TMEM131: variants seen among roughly 807,000 people sequenced by gnomAD.
TMEM131 encodes the protein transmembrane protein 131.
In TMEM131, 66 loss-of-function variants were observed where a neutral mutation model predicts 211.6. That is an observed-to-expected ratio of 0.31 (90% confidence interval 0.26 to 0.38). The LOEUF (loss-of-function observed/expected upper bound fraction) is 0.38, where lower values mean the gene tolerates loss of function less well. TMEM131 is among the 10% of genes least tolerant of loss of function. The pLI, the probability that TMEM131 is intolerant of heterozygous loss-of-function variation, is 1.00. For synonymous variants in TMEM131, 844 were observed against 841.3 expected (o/e 1.00, Z -0.06); for missense variants, 2,036 against 2,299.3 (o/e 0.89, Z 2.34).
chr2:97,791,720 C>T (rs1263875781), intron 31 of TMEM131, among the ~76,000 whole-genome samples: 6 of 152,160 alleles, frequency 3.9e-5, no homozygotes, highest in African/African-American at 7.2e-5. Flanking sequence ...TAAGAGTATA[C>T]GTTCTTTTAA....
chr2:97,854,971 G>A (rs1374228283), intron 5 of TMEM131, among the ~76,000 whole-genome samples: 15 of 152,092 alleles, frequency 9.9e-5, no homozygotes, highest in Admixed American at 9.8e-4. Context: ...TTCTGACCTT[G>A]TAACATCTTC....
chr2:97,988,267 T>C (rs1430715606), intron 1 of TMEM131, among the ~76,000 whole-genome samples: 3 of 152,164 alleles, frequency 2.0e-5, no homozygotes, highest in Non-Finnish European at 4.4e-5. Context: ...TGCAAAAGAA[T>C]AGAGTTATAC....
Position 97,766,194 on chromosome 2 carries a change from C to A in TMEM131, c.4643G>T (p.Gly1548Val), listed in dbSNP as rs1417603569. ...TTCACCCTCTGAGCTACTGGTGTTG[C>A]CTAATTCTTGACTATTCGGGAGGAA... The part of the protein sequence containing the change: ...AKFLPNSQEL[G>V]NTSSSEGEKD... The change falls in exon 35 of 41, where the codon GGC (glycine) becomes GTC (valine). Residue 1548 changes from glycine to valine, a missense_variant. This residue lies in a region of TMEM131 where 1,623 missense variants were observed against 1,805.9 expected (regional missense o/e 0.90). Coordinates refer to ENST00000186436, the MANE Select transcript of TMEM131 (RefSeq NM_015348.2). 1.2e-6 allele frequency: 2 copies of A among 1,613,910 alleles called. No individual in the cohort carries two copies. Among genetic ancestry groups the A allele is most frequent in the African/African-American group, 1.3e-5 (1 of 74,920 alleles).
At chr2:97,972,948 T>C (rs1009307674) in intron 1 of TMEM131, among the ~76,000 whole-genome samples, 3 of 152,114 alleles carry the variant, frequency 2.0e-5, no homozygotes, top group Non-Finnish European at 4.4e-5. Context: ...CAAACACATA[T>C]TAAAAAAAAT....
intron 1 of TMEM131, among the ~76,000 whole-genome samples, chr2:97,938,104 G>A (rs546853513): frequency 6.6e-6 from 1 of 152,300 alleles, no homozygotes; most frequent in African/African-American, 2.4e-5. Context: ...TCAAGGCTAG[G>A]AAGAAACTGT....
chr2:97,834,103 T>C (rs542262654), intron 10 of TMEM131, among the ~76,000 whole-genome samples: 2 of 152,366 alleles, frequency 1.3e-5, no homozygotes, highest in Non-Finnish European at 2.9e-5. Flanking sequence ...GTCTTCAATC[T>C]TAACTACATA....
In TMEM131 at chr2:97,926,291, A is replaced by G. The variant is rs1465949682; in HGVS notation, c.249+1135T>C. Among the ~76,000 whole-genome samples, 4 of 152,210 alleles carry G rather than the reference A, an allele frequency of 2.6e-5. No homozygotes were observed. In the East Asian group the frequency reaches 5.8e-4, roughly 22 times the overall value. ...TTAGAGAAAGGATATATATTCTGCC[A>G]TAGAAATGCTACATGTACATTTTTC... On this transcript the variant is annotated intron_variant, in intron 2 of 40. Transcript: ENST00000186436.
chr2:97,809,745 A>C lies in TMEM131; in HGVS notation c.1998T>G (p.Ile666Met). The C allele has an allele frequency of 6.2e-7, 1 of 1,608,702 alleles. No individual in the cohort carries two copies. The highest frequency in any genetic ancestry group is 1.1e-5 in the South Asian group (1 of 89,456). ...EILTIPVKAVIAVGSLTCFPK... is the reference protein window; with the variant it reads ...EILTIPVKAVMAVGSLTCFPK... ...GGAAGCAGGTCAGTGAGCCTACTGCAATCACAGCCTTCACAGGGATTGTCA... is the reference window on the plus strand; with the variant it reads ...GGAAGCAGGTCAGTGAGCCTACTGCCATCACAGCCTTCACAGGGATTGTCA... Residue 666 changes from isoleucine to methionine, a missense_variant, in exon 19 of 41, where the codon ATT (isoleucine) becomes ATG (methionine). This residue lies in a region of TMEM131 where 1,623 missense variants were observed against 1,805.9 expected (regional missense o/e 0.90). Coordinates refer to ENST00000186436, the MANE Select transcript of TMEM131 (RefSeq NM_015348.2).
At chr2:97,931,105 C>A (rs1034805645) in intron 1 of TMEM131, among the ~76,000 whole-genome samples, 1 of 151,764 alleles carries the variant, frequency 6.6e-6, no homozygotes, top group African/African-American at 2.4e-5. Context: ...ACTAACAGCA[C>A]CTTTTAGCAA....
chr2:97,988,514 A>G (rs1680126266), intron 1 of TMEM131, among the ~76,000 whole-genome samples: 1 of 152,214 alleles, frequency 6.6e-6, no homozygotes, highest in South Asian at 2.1e-4. Context: ...GGGAGAACAT[A>G]GTTGCAAATC....
At chr2:97,787,653 A>G (rs377212299) in intron 31 of TMEM131, among the ~76,000 whole-genome samples, 114 of 152,290 alleles carry the variant, frequency 7.5e-4, no homozygotes, top group African/African-American at 2.5e-3. Flanking sequence ...ACAAAACTTA[A>G]TATGACTATA....
chr2:97,943,089 GAAAGAAAGAA>G (rs1677870878), intron 1 of TMEM131, among the ~76,000 whole-genome samples: 2 of 147,170 alleles, frequency 1.4e-5, no homozygotes, highest in South Asian at 2.1e-4. Context: ...AAGAAAGAAA[GAAAGAAAGAA>G]AGAGCTGGGT....
intron 2 of TMEM131, among the ~76,000 whole-genome samples, chr2:97,924,147 G>A (rs577538034): frequency 6.6e-6 from 1 of 152,188 alleles, no homozygotes; most frequent in South Asian, 2.1e-4. Context: ...CACTTTGGGA[G>A]ACCAAGGCGA....
At chr2:97,865,060 G>A (rs190999005) in intron 4 of TMEM131, among the ~76,000 whole-genome samples, 25 of 152,328 alleles carry the variant, frequency 1.6e-4, no homozygotes, top group Non-Finnish European at 2.9e-4. Context: ...CAAATATGGG[G>A]CAATCAATAG....
At chr2:97,867,102 T>G (rs1000554573) in intron 4 of TMEM131, among the ~76,000 whole-genome samples, 6 of 152,306 alleles carry the variant, frequency 3.9e-5, no homozygotes, top group Non-Finnish European at 8.8e-5. Context: ...GTATTATGGA[T>G]TAGCATATGG....
At position 97,896,968 on chromosome 2, in the gene TMEM131, C is replaced by T. The variant is rs117563954; in HGVS notation, c.291-8848G>A. Among the ~76,000 whole-genome samples, 496 of 151,128 alleles carry T rather than the reference C, an allele frequency of 3.3e-3. 7 individuals are homozygous for T. In the East Asian group the frequency reaches 0.04, roughly 12 times the overall value. ...TTCACAGTCTTCTAATCCATGAACG[C>T]GGAATCTTTCTCAATATATCTAGGA... On this transcript the variant is annotated intron_variant, in intron 3 of 40. Transcript: ENST00000186436.
chr2:97,833,721 A>G (rs1223023504), intron 10 of TMEM131, among the ~76,000 whole-genome samples: 2 of 150,080 alleles, frequency 1.3e-5, no homozygotes, highest in Non-Finnish European at 2.9e-5. Flanking sequence ...ACAGTGGGGC[A>G]TTCTTGGCTC....
At chr2:97,907,170 C>T (rs1676105087) in intron 3 of TMEM131, 2 of 152,210 alleles carry the variant, frequency 1.3e-5, no homozygotes, top group East Asian at 3.9e-4. Context: ...GATGGTCCAG[C>T]CAAGGAGGAA....
chr2:97,949,157 C>T (rs1183163103), intron 1 of TMEM131, among the ~76,000 whole-genome samples: 1 of 152,154 alleles, frequency 6.6e-6, no homozygotes, highest in Non-Finnish European at 1.5e-5. Flanking sequence ...AATTGTGATA[C>T]AGCAACACAG....
Sources: gnomAD v4.1 joint callset for allele counts (sites outside exome capture counted in the v4.1 genomes callset) on GRCh38, gnomAD v4.1.1 for gene constraint, gnomAD v4.1.1 regional missense constraint, MANE v1.5 for transcripts, NCBI Gene and HGNC (gene_info 2026-07-23, HGNC 2026-07-21) for gene names.